The following ANKS1B variants were observed in gnomAD, a reference collection of about 807,000 sequenced individuals.
ANKS1B encodes the protein ankyrin repeat and sterile alpha motif domain containing 1B, also known as ankyrin repeat and sterile alpha motif domain-containing protein 1B.
A neutral mutation model predicts 148.3 loss-of-function variants in ANKS1B; 36 were observed. The observed-to-expected ratio is 0.24, with a 90% CI of 0.19 to 0.32. The LOEUF (loss-of-function observed/expected upper bound fraction) is 0.32, where lower values mean the gene tolerates loss of function less well. ANKS1B is among the 10% of genes least tolerant of loss of function. The pLI, the probability that ANKS1B is intolerant of heterozygous loss-of-function variation, is 1.00. For synonymous variants in ANKS1B, 542 were observed against 560.8 expected (o/e 0.97, Z 0.47); for missense variants, 1,157 against 1,542.6 (o/e 0.75, Z 4.19).
At chr12:98,880,757 G>T (rs1306256293) in intron 17 of ANKS1B, among the ~76,000 whole-genome samples, 1 of 151,894 alleles carries the variant, frequency 6.6e-6, no homozygotes, top group Non-Finnish European at 1.5e-5. Flanking sequence ...GACACAGCGA[G>T]ACTCCGTCTC....
intron 9 of ANKS1B, among the ~76,000 whole-genome samples, chr12:99,621,260 G>T (rs1406028321): frequency 6.6e-6 from 1 of 151,912 alleles, no homozygotes; most frequent in Non-Finnish European, 1.5e-5. Context: ...TCTAAACATG[G>T]AAATGAAAGA....
At chr12:98,813,589 C>G (rs2099115714) in intron 19 of ANKS1B, among the ~76,000 whole-genome samples, 1 of 151,822 alleles carries the variant, frequency 6.6e-6, no homozygotes, top group South Asian at 2.1e-4. Flanking sequence ...GTCACCCAGG[C>G]TGGAGTACAG....
rs927328419 is a variant in ANKS1B, at chr12:98,745,448, C to T, written c.*291G>A. The stretch of plus-strand genomic sequence containing the variant: ...AAATGAAGCAAAGCAAGTACTGGGG[C>T]GGAGTCATCAGAAATACCTTGGGAG... On this transcript the variant is annotated 3_prime_UTR_variant, in exon 27 of 27. Transcript: ENST00000683438. 2.0e-6 allele frequency: 2 copies of T among 1,025,336 alleles called. No homozygotes were observed. Among genetic ancestry groups the T allele is most frequent in the Non-Finnish European group, 2.3e-6 (2 of 862,798 alleles). The allele number at this position is 1,025,336 out of a possible 1,614,324, so 63.5% of individuals were successfully genotyped here.
chr12:99,058,739 T>C (rs2041216838), intron 16 of ANKS1B, among the ~76,000 whole-genome samples: 1 of 36,770 alleles, frequency 2.7e-5, no homozygotes, highest in Non-Finnish European at 5.4e-5. Flanking sequence ...TTTTTTTTTT[T>C]TTTTTTTTTT....
At chr12:99,645,802 A>G (rs1212020137) in intron 9 of ANKS1B, among the ~76,000 whole-genome samples, 3 of 152,212 alleles carry the variant, frequency 2.0e-5, no homozygotes, top group Non-Finnish European at 2.9e-5. Flanking sequence ...TCAAATTCAT[A>G]AAAATAGGTA....
intron 25 of ANKS1B, among the ~76,000 whole-genome samples, chr12:98,755,176 G>T (rs1040381162): frequency 1.3e-5 from 2 of 152,140 alleles, no homozygotes; most frequent in Non-Finnish European, 2.9e-5. Context: ...AATGGGGAAA[G>T]AACCCCCATT....
At chr12:99,382,211 G>A (rs142945345) in intron 12 of ANKS1B, among the ~76,000 whole-genome samples, 159 of 152,270 alleles carry the variant, frequency 1.0e-3, no homozygotes, top group Non-Finnish European at 1.9e-3. Context: ...ACGAAGGTGA[G>A]TCATAATGCC....
At chr12:99,829,628 G>A (rs892967619) in intron 1 of ANKS1B, among the ~76,000 whole-genome samples, 2 of 152,116 alleles carry the variant, frequency 1.3e-5, no homozygotes, top group Non-Finnish European at 2.9e-5. Context: ...TCCAGACTGG[G>A]CGAGAGCGAG....
intron 15 of ANKS1B, among the ~76,000 whole-genome samples, chr12:99,099,361 A>G (rs989030911): frequency 2.6e-5 from 4 of 152,226 alleles, no homozygotes; most frequent in African/African-American, 4.8e-5. Flanking sequence ...GTAATGTGGC[A>G]CTGGATAAAA....
At chr12:99,703,116 T>C (rs2055141792) in intron 8 of ANKS1B, among the ~76,000 whole-genome samples, 1 of 152,164 alleles carries the variant, frequency 6.6e-6, no homozygotes, top group African/African-American at 2.4e-5. Context: ...TTAAAGTTTC[T>C]TTGGCCATTA....
chr12:99,714,964 C>CA (rs34960410), intron 8 of ANKS1B, among the ~76,000 whole-genome samples: 23,836 of 124,222 alleles, frequency 0.19, 2,435 homozygotes, highest in East Asian at 0.48. Flanking sequence ...ATTAAAAATA[C>CA]AAAAAAAAAA....
intron 17 of ANKS1B, among the ~76,000 whole-genome samples, chr12:99,010,908 T>G (rs543724956): frequency 6.0e-5 from 9 of 149,604 alleles, no homozygotes; most frequent in East Asian, 3.9e-4. Context: ...TTTGTTTTTT[T>G]TTTTTTTTTT....
chr12:99,830,526 C>A (rs988800459), intron 1 of ANKS1B, among the ~76,000 whole-genome samples: 20 of 149,314 alleles, frequency 1.3e-4, no homozygotes, highest in African/African-American at 4.9e-4. Context: ...TATCATAAAA[C>A]AATACCAAAA....
intron 8 of ANKS1B, among the ~76,000 whole-genome samples, chr12:99,721,553 G>A (rs2058084220): frequency 6.6e-6 from 1 of 152,130 alleles, no homozygotes; most frequent in Non-Finnish European, 1.5e-5. Context: ...ACTCCTGCCT[G>A]CCAGAGAACA....
chr12:99,839,312 T>C (rs981359984), intron 1 of ANKS1B, among the ~76,000 whole-genome samples: 17 of 152,164 alleles, frequency 1.1e-4, no homozygotes, highest in African/African-American at 3.9e-4. Context: ...AATGAGATCT[T>C]TGCAATTCTG....
rs1381490224 is a variant in ANKS1B at position 99,784,194 on chromosome 12, C to T, written c.670-2097G>A. On this transcript the variant is annotated intron_variant, in intron 4 of 26. Transcript: ENST00000683438. The stretch of plus-strand genomic sequence containing the variant: ...TTTTTTTTTTTTTTTTTTTTTGAGA[C>T]GGAGTCTCGCTCTGTGGCGCAGGCT... Among the ~76,000 whole-genome samples the T allele has an allele frequency of 9.5e-5, 12 of 125,868 alleles. No individual in the cohort carries two copies. In the East Asian group the frequency reaches 1.2e-3, roughly 13 times the overall value. 82.6% of individuals were successfully genotyped at this position (125,868 alleles called of 152,430 possible). A position where few individuals can be genotyped will look rare whatever the true frequency, so the allele number is the denominator to read the frequency against.
intron 1 of ANKS1B, among the ~76,000 whole-genome samples, chr12:99,976,111 C>T (rs1204627012): frequency 6.6e-6 from 1 of 152,128 alleles, no homozygotes; most frequent in Non-Finnish European, 1.5e-5. Context: ...AGACCAAATA[C>T]CACATGTTCT....
At chr12:99,876,343 T>C (rs2092043952) in intron 1 of ANKS1B, among the ~76,000 whole-genome samples, 1 of 152,126 alleles carries the variant, frequency 6.6e-6, no homozygotes, top group African/African-American at 2.4e-5. Flanking sequence ...CCTCTCTGCT[T>C]AGGAAGACAA....
intron 8 of ANKS1B, among the ~76,000 whole-genome samples, chr12:99,711,648 T>C (rs1261471347): frequency 1.3e-5 from 2 of 152,066 alleles, no homozygotes; most frequent in African/African-American, 4.8e-5. Flanking sequence ...CACAATGAGA[T>C]ACCATCTCGC....
Sources: allele counts gnomAD v4.1 joint callset (sites outside exome capture counted in the v4.1 genomes callset), GRCh38; gene constraint gnomAD v4.1.1; transcripts MANE v1.5; gene names NCBI Gene and HGNC (gene_info 2026-07-23, HGNC 2026-07-21).